Variants in COL6A2 observed in about 807,000 individuals in gnomAD.
The protein encoded by COL6A2 is collagen alpha-2(VI) chain.
COL6A2 carries 90 observed loss-of-function variants against 124.9 expected under a neutral mutation model. The observed-to-expected ratio is 0.72, with a 90% CI of 0.61 to 0.86. The LOEUF (loss-of-function observed/expected upper bound fraction) is 0.86, where lower values mean the gene tolerates loss of function less well. COL6A2 is among the 40% of genes least tolerant of loss of function. The probability of loss-of-function intolerance (pLI) is 0.00; values close to 1 mark genes in which losing one functional copy is unlikely to be tolerated. For synonymous variants in COL6A2, 793 were observed against 618.2 expected, an observed-to-expected ratio of 1.28 and a Z score of -4.19; for missense variants, 1,607 against 1,502.5, an observed-to-expected ratio of 1.07 and a Z score of -1.15.
chr21:46,104,432 G>T (rs565322242), intron 1 of COL6A2, among the ~76,000 whole-genome samples: 8 of 152,262 alleles, frequency 5.3e-5, no homozygotes, highest in East Asian at 1.9e-4. Flanking sequence ...ATTTCAGCAG[G>T]CAGAATAAAG....
chr21:46,101,847 ATTTTTTTTTTTTTT>A (rs56083556), intron 1 of COL6A2, among the ~76,000 whole-genome samples: 6 of 71,512 alleles, frequency 8.4e-5, no homozygotes, highest in African/African-American at 3.2e-4. Context: ...ATCTTTCACG[ATTTTTTTTTTTTTT>A]TTTTTTTTTT....
rs1413861049 is a variant in COL6A2, at chr21:46,118,684, C to T, written c.1179+8C>T. On this transcript the variant is annotated splice_region_variant and intron_variant, in intron 13 of 27. Transcript: ENST00000300527. ...GGGGCCAAGGGAAGCAAGGTGAGCC[C>T]CTCTGCCTCTTCGCCTGCAGCTGAG... 10 of 1,608,056 alleles carry T rather than the reference C, an allele frequency of 6.2e-6. No homozygotes were observed. The highest frequency in any genetic ancestry group is 1.3e-5 in the African/African-American group (1 of 74,922).
intron 27 of COL6A2, chr21:46,128,894 C>A: frequency 6.2e-7 from 1 of 1,610,844 alleles, no homozygotes; most frequent in Non-Finnish European, 8.5e-7. Flanking sequence ...TGGCCTGTCT[C>A]CGGCACAGGT....
chr21:46,122,038 C>A (rs772860211), intron 18 of COL6A2, 70 bp from the exon 19 acceptor site: 11 of 1,529,872 alleles, frequency 7.2e-6, no homozygotes, highest in Non-Finnish European at 9.9e-6. Flanking sequence ...ACCTTGCGCC[C>A]TGTTGAGCAC....
Position 46,116,172 on chromosome 21 carries a change from C to T in COL6A2, c.900+119C>T. The T allele has an allele frequency of 8.2e-7, 1 of 1,214,028 alleles. No individual in the cohort carries two copies. Among genetic ancestry groups the T allele is most frequent in the Non-Finnish European group, 1.2e-6 (1 of 842,022 alleles). 75.2% of individuals were successfully genotyped at this position (1,214,028 alleles called of 1,614,324 possible). On this transcript the variant is annotated intron_variant, in intron 7 of 27. Coordinates refer to ENST00000300527, the MANE Select transcript of COL6A2 (RefSeq NM_001849.4). This position sits in a 1 kb window ranked among gnomAD's most constrained non-coding sequence, Gnocchi z 4.6. ...GACCCTCCCCCCAGTTACCAAGGAA[C>T]AGAAGCACCTCGATAACTTGATGGC... is the stretch of plus-strand genomic sequence containing the variant.
intron 15 of COL6A2, 133 bp downstream of exon 15, chr21:46,119,983 CAG>C (rs2078535114): frequency 2.4e-6 from 2 of 838,458 alleles, no homozygotes; most frequent in African/African-American, 1.7e-5. Flanking sequence ...TCACTCTCTG[CAG>C]AGTCTGGGAA....
Position 46,125,433 on chromosome 21 carries a change from G to A in COL6A2, c.1817-32G>A, listed in dbSNP as rs527880374. On this transcript the variant is annotated intron_variant, in intron 24 of 27. Coordinates refer to ENST00000300527, the MANE Select transcript of COL6A2 (RefSeq NM_001849.4). ...TGACCCTAGGGTCTGAGGTCTCCCC[G>A]GTACCCCCCGATGACCCTGCCACCC... 5.0e-5 allele frequency: 81 copies of A among 1,610,880 alleles called. 1 individual carries two copies. The highest frequency in any genetic ancestry group is 3.4e-4 in the South Asian group (31 of 90,988).
Position 46,112,534 on chromosome 21 carries a change from CCGAGAT to C in COL6A2, c.675_680del (p.Glu225_Ile226del), listed in dbSNP as rs775693562. ...TACGCCACCATGCTGCCCGACTCCA[CCGAGAT>C]CGACCAGGACACCATCAACCGCATC... On this transcript the variant is annotated inframe_deletion, in exon 3 of 28. Transcript: ENST00000300527. The C allele has an allele frequency of 3.1e-5, 50 of 1,612,134 alleles. No homozygotes were observed. The highest frequency in any genetic ancestry group is 4.2e-5 in the Non-Finnish European group (50 of 1,179,882).
At chr21:46,113,071 G>C in intron 4 of COL6A2, 1 of 600,624 alleles carries the variant, frequency 1.7e-6, no homozygotes. Flanking sequence ...AGGAGAGGTC[G>C]AGGGTCTGGC....
At position 46,125,588 on chromosome 21, in the gene COL6A2, C is replaced by T. The variant is rs917531980; in HGVS notation, c.1940C>T (p.Ala647Val). Residue 647 changes from alanine (A) to valine (V), a missense_variant, in exon 25 of 28, where the codon GCC becomes GTC. Coordinates refer to ENST00000300527, the MANE Select transcript of COL6A2 (RefSeq NM_001849.4). ...FVINVVNRLGAIAKDPKSETG... is the reference protein window; with the variant it reads ...FVINVVNRLGVIAKDPKSETG... ...ATCAACGTGGTCAACAGGCTGGGTGCCATCGCTAAGGACCCCAAGTCCGAG... is the reference window on the plus strand; with the variant it reads ...ATCAACGTGGTCAACAGGCTGGGTGTCATCGCTAAGGACCCCAAGTCCGAG... The T allele has an allele frequency of 6.2e-7, 1 of 1,612,696 alleles. No individual in the cohort carries two copies.
chr21:46,121,649 A>C (rs2078568227), intron 18 of COL6A2, 31 bp downstream of exon 18: 1 of 1,609,912 alleles, frequency 6.2e-7, no homozygotes, highest in Non-Finnish European at 8.5e-7. Flanking sequence ...AGGACGTATT[A>C]GGGGTTCGGG....
intron 18 of COL6A2, 37 bp from the exon 19 acceptor site, chr21:46,122,071 C>T (rs781430232): frequency 1.9e-6 from 3 of 1,610,630 alleles, no homozygotes; most frequent in East Asian, 2.2e-5. Flanking sequence ...CCACCCCGTC[C>T]TATGACCATG....
chr21:46,106,632 C>T (rs2123601040), intron 1 of COL6A2, among the ~76,000 whole-genome samples: 1 of 152,276 alleles, frequency 6.6e-6, no homozygotes, highest in South Asian at 2.1e-4. Context: ...TTTGGGAGCA[C>T]CATGTGAGGT....
intron 1 of COL6A2, among the ~76,000 whole-genome samples, chr21:46,106,647 C>T (rs563813453): frequency 2.0e-5 from 3 of 152,276 alleles, no homozygotes; most frequent in African/African-American, 7.2e-5. Context: ...TGAGGTAGTA[C>T]CTTTATTTCT....
chr21:46,131,963 T>C lies in COL6A2; in HGVS notation c.2471T>C (p.Val824Ala), dbSNP rs1259128571. The C allele has an allele frequency of 1.9e-6, 3 of 1,604,170 alleles. No individual in the cohort carries two copies. In the South Asian group the frequency reaches 3.3e-5, roughly 18 times the overall value. ...CTGCGTCTCCCCACAGAGCTGTCCG[T>C]GGCACAGTGCACGCAGCGGCCCGTG... ...PDLPCQTELS[V>A]AQCTQRPVDI... is the part of the protein sequence containing the mutation. The change falls in exon 28 of 28, where the codon GTG (valine) becomes GCG (alanine). Residue 824 changes from valine (V) to alanine (A), a missense_variant. Val to Ala is a moderately conservative substitution (Grantham distance 64). Transcript: ENST00000300527.
chr21:46,125,188 A>G, intron 23 of COL6A2, 78 bp from the exon 24 acceptor site: 1 of 1,387,954 alleles, frequency 7.2e-7, no homozygotes, highest in Non-Finnish European at 1.0e-6. Flanking sequence ...ATGTCCCGGG[A>G]CCCCCAGGCC....
chr21:46,130,667 C>T (rs903383590), intron 27 of COL6A2, among the ~76,000 whole-genome samples: 1 of 152,198 alleles, frequency 6.6e-6, no homozygotes, highest in African/African-American at 2.4e-5. Context: ...CAGAGACCCC[C>T]AAAACCAGCT....
In COL6A2 at chr21:46,124,647, T is replaced by A; in HGVS notation, c.1672-4T>A. The A allele has an allele frequency of 6.2e-7, 1 of 1,612,830 alleles. No individual in the cohort carries two copies. ...GAAGCCCACCTGTTCTTGTTCCTTC[T>A]CAGGCGGATCCTGGTCCCCCTGGTG... On this transcript the variant is annotated splice_region_variant and splice_polypyrimidine_tract_variant and intron_variant, in intron 21 of 27. Coordinates refer to ENST00000300527, the MANE Select transcript of COL6A2 (RefSeq NM_001849.4).
At position 46,125,970 on chromosome 21, in the gene COL6A2, C is replaced by T. The variant is rs544785178; in HGVS notation, c.2155C>T (p.Arg719Trp). The part of the protein sequence containing the change: ...FAYDRLIKES[R>W]RQKTRVFAVV... ...CTACGACCGCCTCATCAAGGAGAGC[C>T]GGCGCCAGAAGACACGTGTGTTTGC... The change falls in exon 26 of 28, where the codon CGG (arginine) becomes TGG (tryptophan). Residue 719 changes from arginine (R) to tryptophan (W), a missense_variant. Coordinates refer to ENST00000300527, the MANE Select transcript of COL6A2 (RefSeq NM_001849.4). 16 of 1,612,994 alleles carry T rather than the reference C, an allele frequency of 9.9e-6. No homozygotes were observed. The highest frequency in any genetic ancestry group is 4.0e-5 in the African/African-American group (3 of 74,876).
Sources: allele counts gnomAD v4.1 joint callset (sites outside exome capture counted in the v4.1 genomes callset), GRCh38; gene constraint gnomAD v4.1.1; non-coding constraint Gnocchi (gnomAD v3.1); transcripts MANE v1.5; gene names NCBI Gene and HGNC (gene_info 2026-07-23, HGNC 2026-07-21).